AGMO: variants seen among roughly 807,000 people sequenced by gnomAD.
AGMO encodes glyceryl-ether monooxygenase.
Under a neutral mutation model 60.2 loss-of-function variants are expected in AGMO, and 75 were observed. The observed-to-expected ratio is 1.25, with a 90% CI of 1.03 to 1.51. AGMO has a LOEUF of 1.51. Ranked by LOEUF, AGMO falls within the 40% of genes most tolerant of loss-of-function variation. The pLI is 0.00. For missense variants in AGMO, 763 were observed against 525.5 expected (o/e 1.45, Z -4.42); for synonymous variants, 261 against 177.1 (o/e 1.47, Z -3.76).
intron 3 of AGMO, among the ~76,000 whole-genome samples, chr7:15,453,110 C>G (rs1781897735): frequency 6.6e-6 from 1 of 152,038 alleles, no homozygotes. Flanking sequence ...CACCAGATCT[C>G]CTTGGAGGTG....
At chr7:15,197,222 G>A (rs1379604954), downstream of AGMO, among the ~76,000 whole-genome samples, 5 of 151,726 alleles carry the variant, frequency 3.3e-5, no homozygotes, top group Non-Finnish European at 7.4e-5. Flanking sequence ...GAACATGGGC[G>A]AGACATTAAA....
At chr7:15,188,423 A>G in the AGMO span, among the ~76,000 whole-genome samples, 1 of 152,232 alleles carries the variant, frequency 6.6e-6, no homozygotes, top group Non-Finnish European at 1.5e-5. Flanking sequence ...GTCCATTATT[A>G]TACTTACAAT....
intron 10 of AGMO, among the ~76,000 whole-genome samples, chr7:15,375,711 C>A (rs1480879189): frequency 1.3e-5 from 2 of 152,070 alleles, no homozygotes; most frequent in African/African-American, 2.4e-5. Flanking sequence ...ACGTGGAATA[C>A]TTTTAATGAG....
At chr7:15,349,319 G>T (rs1416345541) in intron 12 of AGMO, among the ~76,000 whole-genome samples, 1 of 152,082 alleles carries the variant, frequency 6.6e-6, no homozygotes, top group East Asian at 1.9e-4. Flanking sequence ...TAACTTATCT[G>T]GAACCACTGT....
chr7:15,322,653 T>A (rs1462488008), intron 12 of AGMO, among the ~76,000 whole-genome samples: 5 of 64,372 alleles, frequency 7.8e-5, no homozygotes, highest in Non-Finnish European at 1.3e-4. Flanking sequence ...TATATAAATA[T>A]ATATATAAAT....
In AGMO at chr7:15,540,599, AAAG is replaced by A. The variant is rs141536189; in HGVS notation, c.409+4170_409+4172del. 1.1e-3 allele frequency among the ~76,000 whole-genome samples: 165 copies of A among 152,332 alleles called. 4 individuals are homozygous for A. In the East Asian group the frequency reaches 0.025, roughly 23 times the overall value. ...CAGCTCTGACAATAGAAGGAAGGGC[AAAG>A]AAGAATAGATTTGGATAAGAGAGGC... On this transcript the variant is annotated intron_variant, in intron 3 of 12. Transcript: ENST00000342526.
intron 3 of AGMO, among the ~76,000 whole-genome samples, chr7:15,497,974 G>A (rs565880433): frequency 3.3e-5 from 5 of 152,070 alleles, no homozygotes; most frequent in Non-Finnish European, 7.4e-5. Context: ...GATGGGAGAA[G>A]TATTTGGTAG....
intron 4 of AGMO, among the ~76,000 whole-genome samples, chr7:15,425,780 T>A (rs1781043944): frequency 6.6e-6 from 1 of 152,164 alleles, no homozygotes; most frequent in Non-Finnish European, 1.5e-5. Flanking sequence ...AAAATTTACC[T>A]TTTTTAGGGT....
At chr7:15,203,315 T>C (rs1179803496) in intron 12 of AGMO, among the ~76,000 whole-genome samples, 1 of 152,122 alleles carries the variant, frequency 6.6e-6, no homozygotes, top group Non-Finnish European at 1.5e-5. Context: ...TGCCTTGTTA[T>C]TAATCCACCA....
chr7:15,354,327 T>TGTGTATACACACGCGTGTATATAG lies in AGMO; in HGVS notation c.1263+11186_1263+11187insCTATATACACGCGTGTGTATACAC, dbSNP rs1491261219. 3.2e-3 allele frequency among the ~76,000 whole-genome samples: 104 copies of TGTGTATACACACGCGTGTATATAG among 32,212 alleles called. 18 individuals are homozygous for TGTGTATACACACGCGTGTATATAG. Among genetic ancestry groups the TGTGTATACACACGCGTGTATATAG allele is most frequent in the African/African-American group, 0.022 (101 of 4,616 alleles). 21.1% of individuals were successfully genotyped at this position (32,212 alleles called of 152,430 possible). ...ACGTGTATACACGCGTGTATATACG[T>TGTGTATACACACGCGTGTATATAG]ACGCGTGTATATACACGCGTGTATA... is the stretch of plus-strand genomic sequence containing the variant. On this transcript the variant is annotated intron_variant, in intron 12 of 12. Coordinates refer to ENST00000342526, the MANE Select transcript of AGMO (RefSeq NM_001004320.2).
At position 15,471,139 on chromosome 7, in the gene AGMO, C is replaced by T. The variant is rs564519251; in HGVS notation, c.410-40031G>A. Among the ~76,000 whole-genome samples the T allele has an allele frequency of 1.5e-4, 23 of 151,918 alleles. No individual in the cohort carries two copies. In the East Asian group the frequency reaches 4.1e-3, roughly 27 times the overall value. On this transcript the variant is annotated intron_variant, in intron 3 of 12. Coordinates refer to ENST00000342526, the MANE Select transcript of AGMO (RefSeq NM_001004320.2). ...CATGAACATAAATCAGAATTGTGCC[C>T]AATTGTCATCATTATCATTTTTCCA...
intron 10 of AGMO, among the ~76,000 whole-genome samples, chr7:15,375,136 A>T (rs949106993): frequency 6.6e-6 from 1 of 152,074 alleles, no homozygotes; most frequent in African/African-American, 2.4e-5. Context: ...ACAGTTGCCA[A>T]AAGAGTCTGT....
chr7:15,287,811 CT>C, intron 12 of AGMO, among the ~76,000 whole-genome samples: 1 of 152,078 alleles, frequency 6.6e-6, no homozygotes, highest in Admixed American at 6.6e-5. Flanking sequence ...AAATCTGGTC[CT>C]TTTGAATACA....
At chr7:15,535,663 G>C (rs1784467606) in intron 3 of AGMO, among the ~76,000 whole-genome samples, 1 of 151,716 alleles carries the variant, frequency 6.6e-6, no homozygotes, top group South Asian at 2.1e-4. Context: ...AATTTTTGTG[G>C]GTACATACTA....
intron 6 of AGMO, among the ~76,000 whole-genome samples, chr7:15,392,355 G>A (rs1784179248): frequency 6.6e-6 from 1 of 151,960 alleles, no homozygotes; most frequent in Non-Finnish European, 1.5e-5. Context: ...ACAGGCGTGA[G>A]TCAACATGCC....
At chr7:15,336,004 A>G (rs904932664) in intron 12 of AGMO, among the ~76,000 whole-genome samples, 1 of 152,198 alleles carries the variant, frequency 6.6e-6, no homozygotes, top group African/African-American at 2.4e-5. Context: ...GATCTACTCC[A>G]AAACACATTG....
chr7:15,487,949 CA>C (rs1007066478), intron 3 of AGMO, among the ~76,000 whole-genome samples: 4 of 151,088 alleles, frequency 2.6e-5, no homozygotes, highest in Non-Finnish European at 4.4e-5. Flanking sequence ...TCAAAAATTT[CA>C]AAAAAAAATC....
chr7:15,293,681 G>T (rs1176069243), intron 12 of AGMO, among the ~76,000 whole-genome samples: 1 of 152,168 alleles, frequency 6.6e-6, no homozygotes, highest in Non-Finnish European at 1.5e-5. Context: ...TTTGATAAGT[G>T]AATAATAATA....
At chr7:15,138,823 A>G in the AGMO span, among the ~76,000 whole-genome samples, 1 of 128,986 alleles carries the variant, frequency 7.8e-6, no homozygotes, top group African/African-American at 2.7e-5. Context: ...GCCTGAGTCT[A>G]TAAATAAAAT....
Sources: allele counts gnomAD v4.1 joint callset (sites outside exome capture counted in the v4.1 genomes callset), GRCh38; gene constraint gnomAD v4.1.1; transcripts MANE v1.5; gene names NCBI Gene and HGNC (gene_info 2026-07-23, HGNC 2026-07-21).